The following STK32B variants were observed in gnomAD, a reference collection of about 807,000 sequenced individuals.
STK32B encodes the protein serine/threonine-protein kinase 32B.
Under a neutral mutation model 52.6 loss-of-function variants are expected in STK32B, and 43 were observed. The ratio of observed to expected loss-of-function variants is 0.82; its 90% CI spans 0.64 to 1.05. The LOEUF (loss-of-function observed/expected upper bound fraction) is 1.05. Among genes scored for constraint, STK32B ranks in the 50% least tolerant of loss-of-function variants. The pLI, the probability that STK32B is intolerant of heterozygous loss-of-function variation, is 0.00. For synonymous variants in STK32B, 238 were observed against 204.3 expected, an observed-to-expected ratio of 1.17 and a Z score of -1.41; for missense variants, 621 against 534.6, an observed-to-expected ratio of 1.16 and a Z score of -1.59.
chr4:5,383,439 T>C (rs1363565270), intron 4 of STK32B, among the ~76,000 whole-genome samples: 3 of 152,126 alleles, frequency 2.0e-5, no homozygotes, highest in Non-Finnish European at 4.4e-5. Flanking sequence ...GTGCCAGAGG[T>C]TGGCGACTAA....
chr4:5,334,161 G>A (rs1442808566), intron 4 of STK32B, among the ~76,000 whole-genome samples: 1 of 151,852 alleles, frequency 6.6e-6, no homozygotes, highest in Non-Finnish European at 1.5e-5. Flanking sequence ...ATTGAGCAGT[G>A]GTTTGTAGTT....
At chr4:5,177,216 T>C (rs1719976955) in intron 3 of STK32B, among the ~76,000 whole-genome samples, 1 of 152,090 alleles carries the variant, frequency 6.6e-6, no homozygotes, top group African/African-American at 2.4e-5. Context: ...TCAGGAAACT[T>C]ATAATCAGGG....
Position 5,470,902 on chromosome 4 carries a change from G to A in STK32B, c.1106+2832G>A, listed in dbSNP as rs1194007417. On this transcript the variant is annotated intron_variant, in intron 11 of 11. Coordinates refer to ENST00000282908, the MANE Select transcript of STK32B (RefSeq NM_018401.3). This position sits in a 1 kb window ranked among gnomAD's most constrained non-coding sequence, Gnocchi z 4.6. ...CCCCACTTGAGCAGTGTAGTGAGTC[G>A]AGGGCTGGTCAGGGGGAGCCAAGCA... is the stretch of plus-strand genomic sequence containing the variant. Among the ~76,000 whole-genome samples the A allele has an allele frequency of 2.0e-5, 3 of 152,230 alleles. No individual in the cohort carries two copies. The highest frequency in any genetic ancestry group is 4.4e-5 in the Non-Finnish European group (3 of 68,048).
At chr4:5,421,851 G>A (rs114835944) in intron 6 of STK32B, among the ~76,000 whole-genome samples, 3,430 of 152,304 alleles carry the variant, frequency 0.023, 139 homozygotes, top group African/African-American at 0.076. Flanking sequence ...TTATGTGTGA[G>A]GAACCAGAGG....
At position 5,438,132 on chromosome 4, in the gene STK32B, C is replaced by T. The variant is rs560935186; in HGVS notation, c.563-8541C>T. On this transcript the variant is annotated intron_variant, in intron 6 of 11. Coordinates refer to ENST00000282908, the MANE Select transcript of STK32B (RefSeq NM_018401.3). ...CAGCCATTCTGCACTGCTGGGTGCACCCTGCGCTATTGGAGCTTGTGGGCT... is the reference window on the plus strand; with the variant it reads ...CAGCCATTCTGCACTGCTGGGTGCATCCTGCGCTATTGGAGCTTGTGGGCT... 2.3e-5 allele frequency: 23 copies of T among 985,258 alleles called. No homozygotes were observed. The African/African-American group carries it at 3.7e-4, about 16-fold the overall frequency. 61.0% of individuals were successfully genotyped at this position (985,258 alleles called of 1,614,324 possible). A position where few individuals can be genotyped will look rare whatever the true frequency, so the allele number is the denominator to read the frequency against.
chr4:5,108,350 A>G (rs950136314), intron 1 of STK32B, among the ~76,000 whole-genome samples: 1 of 152,108 alleles, frequency 6.6e-6, no homozygotes, highest in African/African-American at 2.4e-5. Context: ...TGATGTACCT[A>G]CAGTTTTTTG....
Position 5,074,159 on chromosome 4 carries a change from G to A in STK32B, c.52+22244G>A, listed in dbSNP as rs188238228. Among the ~76,000 whole-genome samples, 17 of 149,176 alleles carry A rather than the reference G, an allele frequency of 1.1e-4. No individual in the cohort carries two copies. The East Asian group carries it at 2.7e-3, about 24-fold the overall frequency. Reference sequence around the variant, plus strand: ...ACTTGATAGCATTCCACAGACTACCGGAGATTCTGTTCATTTGTAAATATA... The same window carrying A: ...ACTTGATAGCATTCCACAGACTACCAGAGATTCTGTTCATTTGTAAATATA... On this transcript the variant is annotated intron_variant, in intron 1 of 11. Transcript: ENST00000282908.
At chr4:5,111,883 A>G (rs1442828969) in intron 1 of STK32B, among the ~76,000 whole-genome samples, 1 of 152,190 alleles carries the variant, frequency 6.6e-6, no homozygotes, top group African/African-American at 2.4e-5. Context: ...GTCCCAGGAA[A>G]CAGGCAGGAA....
intron 6 of STK32B, among the ~76,000 whole-genome samples, chr4:5,426,452 C>G (rs929576449): frequency 6.6e-6 from 1 of 151,962 alleles, no homozygotes; most frequent in Non-Finnish European, 1.5e-5. Flanking sequence ...TGCCTGTAAT[C>G]TCAGCACTTA....
At chr4:5,456,763 C>T (rs1245306036) in intron 7 of STK32B, 44 bp from the exon 8 acceptor site, 11 of 1,495,376 alleles carry the variant, frequency 7.4e-6, no homozygotes. Context: ...CGGTGCCTTC[C>T]AATGGCTCTC....
At chr4:5,128,978 C>T (rs1715582902) in intron 1 of STK32B, among the ~76,000 whole-genome samples, 2 of 152,294 alleles carry the variant, frequency 1.3e-5, no homozygotes, top group South Asian at 2.1e-4. Context: ...GTGTGTATTG[C>T]CTGGAGAGCT....
Position 5,306,976 on chromosome 4 carries a change from C to G in STK32B, c.261-24244C>G, listed in dbSNP as rs377098542. Among the ~76,000 whole-genome samples, 45 of 152,304 alleles carry G rather than the reference C, an allele frequency of 3.0e-4. 1 individual carries two copies. The South Asian group carries it at 8.9e-3, about 30-fold the overall frequency. On this transcript the variant is annotated intron_variant, in intron 3 of 11. Coordinates refer to ENST00000282908, the MANE Select transcript of STK32B (RefSeq NM_018401.3). ...GCTAAAGATAGGACCCCAATCCCTT[C>G]TAGCTTGTATGATTTCTGCTAAGAA...
At chr4:5,054,796 G>A (rs1741934821) in intron 1 of STK32B, among the ~76,000 whole-genome samples, 1 of 152,204 alleles carries the variant, frequency 6.6e-6, no homozygotes, top group Non-Finnish European at 1.5e-5. Flanking sequence ...GTACTTTGAT[G>A]TTAAACCACA....
intron 3 of STK32B, among the ~76,000 whole-genome samples, chr4:5,269,404 C>T (rs1033397236): frequency 2.0e-5 from 3 of 152,254 alleles, no homozygotes; most frequent in Non-Finnish European, 2.9e-5. Flanking sequence ...TTACAAAGAT[C>T]AAACTATTTC....
chr4:5,100,742 C>T (rs1332424978), intron 1 of STK32B, among the ~76,000 whole-genome samples: 10 of 117,292 alleles, frequency 8.5e-5, no homozygotes, highest in East Asian at 2.9e-4. Flanking sequence ...TCCTTCTCTT[C>T]CTCCCTCCTC....
At chr4:5,382,471 C>T (rs1289335855) in intron 4 of STK32B, among the ~76,000 whole-genome samples, 2 of 152,054 alleles carry the variant, frequency 1.3e-5, no homozygotes, top group African/African-American at 4.8e-5. Context: ...CAATTGGCTC[C>T]TTCCCTCTCA....
At chr4:5,059,367 G>A (rs948847818) in intron 1 of STK32B, among the ~76,000 whole-genome samples, 1 of 152,032 alleles carries the variant, frequency 6.6e-6, no homozygotes, top group African/African-American at 2.4e-5. Flanking sequence ...ACCCTTTATT[G>A]CACGGAAGAT....
rs142330542 is a variant in STK32B at position 5,317,583 on chromosome 4, G to A, written c.261-13637G>A. On this transcript the variant is annotated intron_variant, in intron 3 of 11. Coordinates refer to ENST00000282908, the MANE Select transcript of STK32B (RefSeq NM_018401.3). The stretch of plus-strand genomic sequence containing the variant: ...TAACTTGAAAAAAATATGTAAGGAG[G>A]ACATTAGGCTTAACCACTGAAGCAA... Among the ~76,000 whole-genome samples the A allele has an allele frequency of 1.1e-3, 148 of 128,768 alleles. 1 individual carries two copies. The highest frequency in any genetic ancestry group is 4.4e-3 in the African/African-American group (137 of 30,878). The allele number at this position is 128,768 out of a possible 152,430, so 84.5% of individuals were successfully genotyped here.
intron 3 of STK32B, among the ~76,000 whole-genome samples, chr4:5,212,176 C>G (rs1722946274): frequency 6.6e-6 from 1 of 152,112 alleles, no homozygotes; most frequent in African/African-American, 2.4e-5. Flanking sequence ...TACAGGCCAT[C>G]ATTTTTAATT....
Sources: allele counts gnomAD v4.1 joint callset (sites outside exome capture counted in the v4.1 genomes callset), GRCh38; gene constraint gnomAD v4.1.1; non-coding constraint Gnocchi (gnomAD v3.1); transcripts MANE v1.5; gene names NCBI Gene and HGNC (gene_info 2026-07-23, HGNC 2026-07-21).